The following STXBP5L variants were observed in gnomAD, a reference collection of about 807,000 sequenced individuals.
STXBP5L encodes the protein syntaxin-binding protein 5-like.
In STXBP5L, 65 loss-of-function variants were observed where a neutral mutation model predicts 144.5. The observed-to-expected ratio is 0.45, with a 90% CI of 0.37 to 0.55. STXBP5L has a LOEUF of 0.55. STXBP5L is among the 20% of genes least tolerant of loss of function. The pLI is 0.00. For missense variants in STXBP5L, 1,298 were observed against 1,405.5 expected (o/e 0.92, Z 1.22); for synonymous variants, 505 against 469.6 (o/e 1.08, Z -0.97).
intron 9 of STXBP5L, among the ~76,000 whole-genome samples, chr3:121,179,083 TG>T (rs1053841161): frequency 2.4e-4 from 36 of 152,044 alleles, no homozygotes; most frequent in Non-Finnish European, 3.7e-4. Context: ...GCTTATGACC[TG>T]GGGCAGGTGC....
In STXBP5L at chr3:121,184,937, A is replaced by C. The variant is rs568132929; in HGVS notation, c.878-20986A>C. Among the ~76,000 whole-genome samples, 9 of 152,328 alleles carry C rather than the reference A, an allele frequency of 5.9e-5. 1 individual carries two copies. The South Asian group carries it at 1.9e-3, about 32-fold the overall frequency. On this transcript the variant is annotated intron_variant, in intron 9 of 26. Coordinates refer to ENST00000471454, the MANE Select transcript of STXBP5L (RefSeq NM_001308330.2). ...AACATTCTTAAAGAAAAGAATTTTC[A>C]ACCCAGAATTTCATATCCAGCCAAA...
intron 5 of STXBP5L, among the ~76,000 whole-genome samples, chr3:121,067,215 T>C (rs1288906841): frequency 1.3e-5 from 2 of 152,130 alleles, no homozygotes; most frequent in Non-Finnish European, 2.9e-5. Flanking sequence ...TTAACTAGAT[T>C]AATGAGATGG....
chr3:121,247,381 G>A (rs2049888449), intron 14 of STXBP5L, among the ~76,000 whole-genome samples: 1 of 152,112 alleles, frequency 6.6e-6, no homozygotes, highest in Non-Finnish European at 1.5e-5. Context: ...TAGATTCAGG[G>A]ATACATGTGT....
chr3:121,215,445 T>A (rs1032598383), intron 10 of STXBP5L, among the ~76,000 whole-genome samples: 3 of 152,212 alleles, frequency 2.0e-5, no homozygotes, highest in African/African-American at 7.2e-5. Context: ...AGGATTTTAT[T>A]TCCCCTTCAC....
At position 121,424,458 on chromosome 3, in the gene STXBP5L, TG is replaced by T. The variant is rs2047417698; in HGVS notation, c.*5363del. ...TTTCATACTGCTTTCCCTCTGCTGT[TG>T]GCCCACCCTTCTTGACTGCAAAGCC... On this transcript the variant is annotated 3_prime_UTR_variant, in exon 27 of 27. Coordinates refer to ENST00000471454, the MANE Select transcript of STXBP5L (RefSeq NM_001308330.2). 6.6e-6 allele frequency: 1 copy of T among 152,236 alleles called. No individual in the cohort carries two copies. The highest frequency in any genetic ancestry group is 1.9e-4 in the East Asian group (1 of 5,190). The allele number at this position is 152,236 out of a possible 1,614,324, so 9.4% of individuals were successfully genotyped here. A position where few individuals can be genotyped will look rare whatever the true frequency, so the allele number is the denominator to read the frequency against.
intron 3 of STXBP5L, among the ~76,000 whole-genome samples, chr3:120,996,874 G>T (rs549740780): frequency 9.9e-5 from 15 of 152,154 alleles, no homozygotes; most frequent in African/African-American, 2.9e-4. Flanking sequence ...GCATGTCATG[G>T]GGATTTGGTC....
At chr3:121,045,688 T>G (rs1228663526) in intron 5 of STXBP5L, among the ~76,000 whole-genome samples, 153 bp downstream of exon 5, 4 of 152,142 alleles carry the variant, frequency 2.6e-5, no homozygotes, top group Non-Finnish European at 5.9e-5. Flanking sequence ...TTCTTTTTTG[T>G]AGAAAATGCG....
At chr3:121,068,645 A>AT (rs560415165) in intron 5 of STXBP5L, among the ~76,000 whole-genome samples, 12 of 151,516 alleles carry the variant, frequency 7.9e-5, no homozygotes, top group South Asian at 2.1e-4. Flanking sequence ...TCTTTGGATT[A>AT]TTTTTTTTGT....
At chr3:121,048,074 G>A (rs933262280) in intron 5 of STXBP5L, among the ~76,000 whole-genome samples, 7 of 152,044 alleles carry the variant, frequency 4.6e-5, no homozygotes, top group African/African-American at 7.2e-5. Flanking sequence ...TTTGCTTATC[G>A]GGAAAGAATC....
chr3:121,285,552 T>G (rs886516564), intron 19 of STXBP5L, among the ~76,000 whole-genome samples: 8 of 152,094 alleles, frequency 5.3e-5, no homozygotes, highest in African/African-American at 1.9e-4. Flanking sequence ...CTCCCCAAAT[T>G]TTTAAATTAC....
intron 7 of STXBP5L, among the ~76,000 whole-genome samples, chr3:121,127,935 T>A (rs2044787895): frequency 6.6e-6 from 1 of 152,020 alleles, no homozygotes; most frequent in Non-Finnish European, 1.5e-5. Flanking sequence ...GATGATGTTT[T>A]TCCCCACAAG....
chr3:121,007,649 G>A (rs1357029530), intron 3 of STXBP5L, among the ~76,000 whole-genome samples: 3 of 151,952 alleles, frequency 2.0e-5, no homozygotes, highest in African/African-American at 7.2e-5. Flanking sequence ...GGATGAGGGT[G>A]GGATATTATT....
At position 120,983,438 on chromosome 3, in the gene STXBP5L, G is replaced by A. The variant is rs191157425; in HGVS notation, c.287+28401G>A. ...CCTTGTGAAGGTGTTTGAGTGCCCT[G>A]CTTTCTCTCTGGCCTTGTGGCTGGG... On this transcript the variant is annotated intron_variant, in intron 3 of 26. Transcript: ENST00000471454. Among the ~76,000 whole-genome samples the A allele has an allele frequency of 5.3e-4, 80 of 152,204 alleles. 1 individual carries two copies. In the East Asian group the frequency reaches 0.012, roughly 24 times the overall value.
intron 5 of STXBP5L, among the ~76,000 whole-genome samples, chr3:121,100,234 C>T (rs556318953): frequency 6.6e-6 from 1 of 152,260 alleles, no homozygotes; most frequent in African/African-American, 2.4e-5. Flanking sequence ...AAATTTAACA[C>T]TTGACCTAAT....
intron 9 of STXBP5L, among the ~76,000 whole-genome samples, chr3:121,185,380 T>A (rs2047334457): frequency 6.6e-6 from 1 of 152,242 alleles, no homozygotes; most frequent in African/African-American, 2.4e-5. Flanking sequence ...CCCATGCCTA[T>A]GTCCTGAATG....
intron 2 of STXBP5L, among the ~76,000 whole-genome samples, chr3:120,950,954 G>T (rs977706416): frequency 6.6e-6 from 1 of 152,050 alleles, no homozygotes; most frequent in African/African-American, 2.4e-5. Flanking sequence ...TACCAAAACA[G>T]ATATAGATCA....
chr3:121,402,980 A>G (rs1430354793), intron 22 of STXBP5L, among the ~76,000 whole-genome samples: 1 of 152,142 alleles, frequency 6.6e-6, no homozygotes, highest in African/African-American at 2.4e-5. Flanking sequence ...CAGGCATGCC[A>G]TCATGCCTGG....
chr3:121,070,212 G>A (rs541667543), intron 5 of STXBP5L, among the ~76,000 whole-genome samples: 9 of 152,170 alleles, frequency 5.9e-5, no homozygotes, highest in Non-Finnish European at 8.8e-5. Flanking sequence ...TACGTGAGGC[G>A]AGAAGTAAGT....
At position 121,282,074 on chromosome 3, in the gene STXBP5L, A is replaced by T. The variant is rs1577359979; in HGVS notation, c.2110+2118A>T. Among the ~76,000 whole-genome samples, 3 of 151,770 alleles carry T rather than the reference A, an allele frequency of 2.0e-5. No individual in the cohort carries two copies. The East Asian group carries it at 5.8e-4, about 29-fold the overall frequency. On this transcript the variant is annotated intron_variant, in intron 19 of 26. Transcript: ENST00000471454. ...AATTACTACCGCATTCTCATCATTC[A>T]TCTATCGCCTCTTACTTTATAATTG...
Sources: allele counts gnomAD v4.1 joint callset (sites outside exome capture counted in the v4.1 genomes callset), GRCh38; gene constraint gnomAD v4.1.1; transcripts MANE v1.5; gene names NCBI Gene and HGNC (gene_info 2026-07-23, HGNC 2026-07-21).